The following ANKRD27 variants were observed in gnomAD, a reference collection of about 807,000 sequenced individuals.
The protein encoded by ANKRD27 is ankyrin repeat domain 27.
A neutral mutation model predicts 129.7 loss-of-function variants in ANKRD27; 112 were observed. The observed-to-expected ratio is 0.86, with a 90% CI of 0.74 to 1.01. The LOEUF is 1.01. Ranked by LOEUF, ANKRD27 falls within the 50% of genes least tolerant of loss-of-function variation. ANKRD27 has a pLI of 0.00. For missense variants in ANKRD27, 1,258 were observed against 1,300.5 expected, an observed-to-expected ratio of 0.97 and a Z score of 0.50; for synonymous variants, 516 against 511.2, an observed-to-expected ratio of 1.01 and a Z score of -0.13.
chr19:32,626,725 T>G lies in ANKRD27; in HGVS notation c.1523A>C (p.Tyr508Ser). Reference sequence around the variant, plus strand: ...ACCACTGCTCACCGTCACGCTCTGGTAGCCCTTCTGACAGGCCAGGTGGAG... The same window carrying G: ...ACCACTGCTCACCGTCACGCTCTGGGAGCCCTTCTGACAGGCCAGGTGGAG... Reference protein sequence around the residue: ...TPLHLACQKGYQSVTLLLLHY... With the variant: ...TPLHLACQKGSQSVTLLLLHY... Residue 508 changes from tyrosine (Y) to serine (S), a missense_variant, in exon 16 of 29, where the codon TAC becomes TCC. By Grantham distance (144) the Tyr-to-Ser change is moderately radical (BLOSUM62 -2). Transcript: ENST00000306065. 1 of 1,609,240 alleles carries G rather than the reference T, an allele frequency of 6.2e-7. No homozygotes were observed. Among genetic ancestry groups the G allele is most frequent in the Non-Finnish European group, 8.5e-7 (1 of 1,177,858 alleles).
At chr19:32,617,753 G>GTT (rs375079407) in intron 20 of ANKRD27, 120 bp from the exon 21 acceptor site, 2,233 of 295,016 alleles carry the variant, frequency 7.6e-3, no homozygotes, top group East Asian at 0.022. Context: ...GTCTGATTTA[G>GTT]TTTTTTTTTT....
chr19:32,621,918 G>A (rs996033511), intron 18 of ANKRD27, among the ~76,000 whole-genome samples: 1 of 152,152 alleles, frequency 6.6e-6, no homozygotes, highest in Non-Finnish European at 1.5e-5. Flanking sequence ...ACTCACGAGA[G>A]GGGAGCACTT....
At chr19:32,666,639 CT>C (rs1188581480) in intron 1 of ANKRD27, among the ~76,000 whole-genome samples, 1 of 112,020 alleles carries the variant, frequency 8.9e-6, no homozygotes, top group African/African-American at 3.5e-5. Context: ...AATCAGATTT[CT>C]ATTTTTTTTT....
intron 11 of ANKRD27, 96 bp from the exon 12 acceptor site, chr19:32,639,584 G>A: frequency 1.5e-6 from 2 of 1,368,356 alleles, no homozygotes; most frequent in Non-Finnish European, 2.0e-6. Context: ...CAAATATCTA[G>A]TCAGTTGGTT....
chr19:32,619,307 TGGA>T lies in ANKRD27; in HGVS notation c.1957_1959del (p.Ser653del). The T allele has an allele frequency of 6.2e-7, 1 of 1,612,792 alleles. No homozygotes were observed. The highest frequency in any genetic ancestry group is 8.5e-7 in the Non-Finnish European group (1 of 1,179,318). ...TCCTCCTGCCTTGAGCTGGCTGACA[TGGA>T]GGAGAAGCTGGAAGTGGAGGACTCT... On this transcript the variant is annotated inframe_deletion, in exon 20 of 29. Transcript: ENST00000306065.
intron 4 of ANKRD27, among the ~76,000 whole-genome samples, chr19:32,644,982 G>A (rs1025140593): frequency 8.6e-5 from 13 of 150,410 alleles, no homozygotes; most frequent in African/African-American, 3.2e-4. Flanking sequence ...TGCAATGCCC[G>A]ACCTGTGCAA....
intron 18 of ANKRD27, among the ~76,000 whole-genome samples, chr19:32,621,212 T>C (rs1972005502): frequency 6.6e-6 from 1 of 152,192 alleles, no homozygotes; most frequent in Admixed American, 6.5e-5. Context: ...CCAGGCGCAG[T>C]GGCTCATGCC....
chr19:32,615,726 C>CA lies in ANKRD27; in HGVS notation c.2106dup (p.Val703CysfsTer103). On this transcript the variant is annotated frameshift_variant, in exon 22 of 29. Coordinates refer to ENST00000306065, the MANE Select transcript of ANKRD27 (RefSeq NM_032139.3). LOFTEE classifies it high-confidence loss of function. ...CAGAATTCGGGGTCCGCTGCACTGA[C>CA]AGTGTCCTCCGCATCCTCCAGGTCC... 6.2e-7 allele frequency: 1 copy of CA among 1,614,186 alleles called. No homozygotes were observed. Among genetic ancestry groups the CA allele is most frequent in the East Asian group, 2.2e-5 (1 of 44,884 alleles).
intron 10 of ANKRD27, among the ~76,000 whole-genome samples, chr19:32,640,627 T>G (rs528213868): frequency 6.6e-6 from 1 of 152,270 alleles, no homozygotes; most frequent in Non-Finnish European, 1.5e-5. Context: ...TCTAGCCAGA[T>G]ACGGCAGCAC....
chr19:32,626,431 C>A (rs926888792), intron 16 of ANKRD27, among the ~76,000 whole-genome samples: 1 of 151,568 alleles, frequency 6.6e-6, no homozygotes, highest in Non-Finnish European at 1.5e-5. Context: ...GCTTTGGGCT[C>A]CCAAAGCACT....
intron 23 of ANKRD27, 92 bp from the exon 24 acceptor site, chr19:32,606,046 TAAAATA>T: frequency 1.1e-5 from 13 of 1,182,244 alleles, no homozygotes; most frequent in Non-Finnish European, 1.5e-5. Flanking sequence ...AATAAATAAA[TAAAATA>T]AGAAAACAAA....
chr19:32,620,918 A>G (rs1972001442), intron 18 of ANKRD27, among the ~76,000 whole-genome samples: 1 of 151,314 alleles, frequency 6.6e-6, no homozygotes, highest in Non-Finnish European at 1.5e-5. Flanking sequence ...AAAAGAGAAC[A>G]GAAGTAAACT....
intron 10 of ANKRD27, 120 bp from the exon 11 acceptor site, chr19:32,640,505 G>A (rs564354634): frequency 2.5e-6 from 2 of 795,390 alleles, no homozygotes; most frequent in South Asian, 1.5e-5. Flanking sequence ...ATACACTGGG[G>A]GAGAAATGTC....
intron 24 of ANKRD27, among the ~76,000 whole-genome samples, 179 bp downstream of exon 24, chr19:32,605,656 A>G (rs7260624): frequency 0.19 from 29,271 of 152,166 alleles, 3,551 homozygotes; most frequent in African/African-American, 0.33. Flanking sequence ...CTGGGGCACC[A>G]TCTGTTCCCA....
intron 12 of ANKRD27, among the ~76,000 whole-genome samples, chr19:32,635,231 G>A (rs1967067868): frequency 6.6e-6 from 1 of 152,164 alleles, no homozygotes; most frequent in Non-Finnish European, 1.5e-5. Context: ...CCTCTGCAGG[G>A]CAGGAAAGCC....
intron 1 of ANKRD27, chr19:32,666,220 T>C (rs182816415): frequency 2.0e-5 from 3 of 152,290 alleles, no homozygotes; most frequent in Admixed American, 6.5e-5. Flanking sequence ...GTGAAAGGGG[T>C]TGCTAAAATT....
intron 1 of ANKRD27, among the ~76,000 whole-genome samples, chr19:32,661,240 CA>C (rs879575989): frequency 3.0e-4 from 45 of 150,338 alleles, no homozygotes; most frequent in Non-Finnish European, 5.0e-4. Context: ...CACACACACA[CA>C]CACACACACA....
At chr19:32,642,817 G>A (rs1334583491) in intron 9 of ANKRD27, among the ~76,000 whole-genome samples, 1 of 152,086 alleles carries the variant, frequency 6.6e-6, no homozygotes, top group Non-Finnish European at 1.5e-5. Context: ...GGGCAGGTGG[G>A]ATGTCCCCTG....
chr19:32,635,313 C>T (rs4805788), intron 12 of ANKRD27, among the ~76,000 whole-genome samples: 107,392 of 152,052 alleles, frequency 0.71, 38,592 homozygotes, highest in African/African-American at 0.84. Flanking sequence ...CAAAAACCAC[C>T]GCAGGCACGG....
Sources: gnomAD v4.1 joint callset for allele counts (sites outside exome capture counted in the v4.1 genomes callset) on GRCh38, gnomAD v4.1.1 for gene constraint, MANE v1.5 for transcripts, NCBI Gene and HGNC (gene_info 2026-07-23, HGNC 2026-07-21) for gene names.